The following SETDB2 variants were observed in gnomAD, a reference collection of about 807,000 sequenced individuals.
SETDB2 encodes SET domain bifurcated histone lysine methyltransferase 2.
SETDB2 carries 56 observed loss-of-function variants against 82.5 expected under a neutral mutation model. The ratio of observed to expected loss-of-function variants is 0.68; its 90% CI spans 0.55 to 0.85. SETDB2 has a LOEUF of 0.85. Ranked by LOEUF, SETDB2 falls within the 40% of genes least tolerant of loss-of-function variation. The probability of loss-of-function intolerance (pLI) is 0.00; values close to 1 mark genes in which losing one functional copy is unlikely to be tolerated. For synonymous variants in SETDB2, 272 were observed against 284.9 expected (o/e 0.95, Z 0.46); for missense variants, 677 against 816.4 (o/e 0.83, Z 2.08).
intron 5 of SETDB2, among the ~76,000 whole-genome samples, chr13:49,471,203 C>G (rs1469507920): frequency 6.6e-6 from 1 of 151,690 alleles, no homozygotes; most frequent in Non-Finnish European, 1.5e-5. Context: ...TCGTGAACTC[C>G]TAGTCTCAAG....
chr13:49,447,233 A>G (rs985212213), intron 1 of SETDB2, among the ~76,000 whole-genome samples: 5 of 152,066 alleles, frequency 3.3e-5, no homozygotes, highest in Non-Finnish European at 7.4e-5. Flanking sequence ...TTTGGTGTGT[A>G]TGGTTAATTA....
chr13:49,457,215 C>CT (rs573356682), intron 2 of SETDB2, among the ~76,000 whole-genome samples: 1,048 of 80,972 alleles, frequency 0.013, 59 homozygotes, highest in African/African-American at 0.037. Context: ...ATTTCTAAGA[C>CT]TTTTTTTTTT....
chr13:49,444,416 C>T lies in SETDB2; in HGVS notation c.-783C>T. The T allele has an allele frequency of 5.3e-6, 1 of 190,128 alleles. No individual in the cohort carries two copies. Among genetic ancestry groups the T allele is most frequent in the South Asian group, 7.1e-5 (1 of 14,168 alleles). 11.8% of individuals were successfully genotyped at this position (190,128 alleles called of 1,614,324 possible). ...TGGGCGGCTTGGCGTCGGAGGAGAGCCCCACCCGCGGAGGAACCCAGCCTT... is the reference window on the plus strand; with the variant it reads ...TGGGCGGCTTGGCGTCGGAGGAGAGTCCCACCCGCGGAGGAACCCAGCCTT... On this transcript the variant is annotated 5_prime_UTR_variant, in exon 1 of 14. Transcript: ENST00000611815.
rs191413305 is a variant in SETDB2, at chr13:49,493,329, G to A, written c.*1480G>A. On this transcript the variant is annotated 3_prime_UTR_variant, in exon 14 of 14. Transcript: ENST00000611815. ...TATGGGAACCATTTTTGTGCAAAAG[G>A]GAATATTATGGATCAGCCAGTATTT... 1.3e-4 allele frequency: 20 copies of A among 152,306 alleles called. No homozygotes were observed. The East Asian group carries it at 3.5e-3, about 26-fold the overall frequency. The allele number at this position is 152,306 out of a possible 1,614,324, so 9.4% of individuals were successfully genotyped here. A position where few individuals can be genotyped will look rare whatever the true frequency, so the allele number is the denominator to read the frequency against.
intron 11 of SETDB2, 160 bp downstream of exon 11, chr13:49,485,883 G>A: frequency 1.3e-6 from 1 of 776,734 alleles, no homozygotes; most frequent in East Asian, 2.5e-5. Flanking sequence ...AATATCGTGT[G>A]TGGGCCAAAT....
intron 4 of SETDB2, among the ~76,000 whole-genome samples, chr13:49,463,676 C>T (rs2138871319): frequency 6.6e-6 from 1 of 152,280 alleles, no homozygotes; most frequent in South Asian, 2.1e-4. Context: ...ACTGTGGTGC[C>T]CAGGTGGCCA....
intron 5 of SETDB2, among the ~76,000 whole-genome samples, chr13:49,468,167 T>A (rs1346999266): frequency 1.3e-5 from 2 of 152,218 alleles, no homozygotes; most frequent in Non-Finnish European, 2.9e-5. Flanking sequence ...CAAGTCTTTT[T>A]ATAAAGTTTA....
chr13:49,461,851 T>G (rs993397418), intron 4 of SETDB2, among the ~76,000 whole-genome samples: 14 of 152,222 alleles, frequency 9.2e-5, no homozygotes, highest in African/African-American at 3.4e-4. Flanking sequence ...TCTGACTGAC[T>G]GCTACAAATT....
chr13:49,458,267 A>G (rs1220429695), intron 2 of SETDB2, among the ~76,000 whole-genome samples: 2 of 151,990 alleles, frequency 1.3e-5, no homozygotes, highest in Admixed American at 1.3e-4. Flanking sequence ...TGTAGAGAGG[A>G]GGTCTTGCTA....
intron 6 of SETDB2, 69 bp from the exon 7 acceptor site, chr13:49,480,150 T>A: frequency 1.0e-6 from 1 of 982,796 alleles, no homozygotes; most frequent in South Asian, 1.6e-5. Flanking sequence ...TTTACACATT[T>A]ATCAAGACAG....
chr13:49,456,755 A>G (rs961481749), intron 2 of SETDB2, among the ~76,000 whole-genome samples: 5 of 152,182 alleles, frequency 3.3e-5, no homozygotes, highest in Non-Finnish European at 7.4e-5. Context: ...GTTTCTTGTG[A>G]TACTCATTTA....
Position 49,488,439 on chromosome 13 carries a change from G to A in SETDB2, c.1726G>A (p.Ala576Thr). 1.2e-6 allele frequency: 2 copies of A among 1,614,100 alleles called. No individual in the cohort carries two copies. Among genetic ancestry groups the A allele is most frequent in the Non-Finnish European group, 1.7e-6 (2 of 1,179,990 alleles). Residue 576 changes from alanine (A) to threonine (T), a missense_variant, in exon 12 of 14, where the codon GCA becomes ACA. Ala to Thr is a moderately conservative substitution (Grantham distance 58). Around this residue, in one of 3 missense-constraint regions of SETDB2, gnomAD observed 420 missense variants for 554.6 expected, o/e 0.76. Transcript: ENST00000611815. ...ATTGGATAATCAGAATATTAAAAAG[G>A]CAATTGAGGTTCAAATTCAGAAACC... ...TTLDNQNIKK[A>T]IEVQIQKPQE... is the part of the protein sequence containing the mutation.
intron 4 of SETDB2, among the ~76,000 whole-genome samples, chr13:49,466,628 T>C (rs1048120975): frequency 6.6e-6 from 1 of 152,122 alleles, no homozygotes; most frequent in Non-Finnish European, 1.5e-5. Context: ...ATAGCTCTCT[T>C]CAACTATCAG....
chr13:49,483,089 C>G (rs1958510871), intron 9 of SETDB2, 127 bp downstream of exon 9: 1 of 648,378 alleles, frequency 1.5e-6, no homozygotes, highest in African/African-American at 1.8e-5. Context: ...GTTGTTAAGT[C>G]TAACACTTTG....
At chr13:49,449,411 C>T (rs1293266151) in intron 1 of SETDB2, among the ~76,000 whole-genome samples, 1 of 151,998 alleles carries the variant, frequency 6.6e-6, no homozygotes, top group Non-Finnish European at 1.5e-5. Flanking sequence ...CCACCACACC[C>T]AGCTAATTTT....
intron 12 of SETDB2, among the ~76,000 whole-genome samples, chr13:49,490,279 C>CAAAAAAAAAAAAAAAAAAAA (rs60013535): frequency 1.2e-5 from 1 of 83,170 alleles, no homozygotes; most frequent in African/African-American, 4.6e-5. Flanking sequence ...GACTCCGTCT[C>CAAAAAAAAAAAAAAAAAAAA]AAAAAAAAAA....
rs965368783 is a variant in SETDB2, at chr13:49,494,540, T to A, written c.*2691T>A. The A allele has an allele frequency of 6.6e-6, 1 of 152,212 alleles. No individual in the cohort carries two copies. The highest frequency in any genetic ancestry group is 1.5e-5 in the Non-Finnish European group (1 of 68,036). The allele number at this position is 152,212 out of a possible 1,614,324, so 9.4% of individuals were successfully genotyped here. The stretch of plus-strand genomic sequence containing the variant: ...GCTCTTTGTTTTACTATGACCTACC[T>A]GAGCTATCTTGCTGGGGAACACCCT... On this transcript the variant is annotated 3_prime_UTR_variant, in exon 14 of 14. Coordinates refer to ENST00000611815, the MANE Select transcript of SETDB2 (RefSeq NM_001160308.3).
rs1957789305 is a variant in SETDB2, at chr13:49,451,689, T to G, written c.-205T>G. On this transcript the variant is annotated 5_prime_UTR_variant, in exon 2 of 14. Coordinates refer to ENST00000611815, the MANE Select transcript of SETDB2 (RefSeq NM_001160308.3). ...TGTCTTTTGGTTGGACTGTCACTCATTTCTGAAAGTTTCTTCAGCCACAAT... is the reference window on the plus strand; with the variant it reads ...TGTCTTTTGGTTGGACTGTCACTCAGTTCTGAAAGTTTCTTCAGCCACAAT... The G allele has an allele frequency of 5.0e-6, 2 of 397,098 alleles. No individual in the cohort carries two copies. The highest frequency in any genetic ancestry group is 4.2e-5 in the African/African-American group (2 of 47,960). 24.6% of individuals were successfully genotyped at this position (397,098 alleles called of 1,614,324 possible). A position where few individuals can be genotyped will look rare whatever the true frequency, so the allele number is the denominator to read the frequency against.
chr13:49,446,296 C>T (rs1957685053), intron 1 of SETDB2: 1 of 438,414 alleles, frequency 2.3e-6, no homozygotes, highest in Non-Finnish European at 4.5e-6. Flanking sequence ...TCTTGCGTGT[C>T]AAGGTTATAC....
Sources: gnomAD v4.1 joint callset for allele counts (sites outside exome capture counted in the v4.1 genomes callset) on GRCh38, gnomAD v4.1.1 for gene constraint, gnomAD v4.1.1 regional missense constraint, MANE v1.5 for transcripts, NCBI Gene and HGNC (gene_info 2026-07-23, HGNC 2026-07-21) for gene names.